Variants in CDKAL1 observed in about 807,000 individuals in gnomAD.
CDKAL1 encodes threonylcarbamoyladenosine tRNA methylthiotransferase.
In CDKAL1, 32 loss-of-function variants were observed where a neutral mutation model predicts 68.2. That is an observed-to-expected ratio of 0.47 (90% confidence interval 0.35 to 0.63). The LOEUF (loss-of-function observed/expected upper bound fraction) is 0.63. CDKAL1 is among the 30% of genes least tolerant of loss of function. The probability of loss-of-function intolerance (pLI) is 0.00; values close to 1 mark genes in which losing one functional copy is unlikely to be tolerated. For synonymous variants in CDKAL1, 234 were observed against 244.3 expected (o/e 0.96, Z 0.39); for missense variants, 606 against 696.7 (o/e 0.87, Z 1.47).
intron 4 of CDKAL1, among the ~76,000 whole-genome samples, chr6:20,580,163 G>T (rs6928198): frequency 0.8 from 121,539 of 152,148 alleles, 48,824 homozygotes; most frequent in Middle Eastern, 0.9. Flanking sequence ...ATGAGGTCCT[G>T]GTACTCAGAT....
intron 8 of CDKAL1, among the ~76,000 whole-genome samples, chr6:20,808,113 T>C (rs1447579178): frequency 1.3e-5 from 2 of 152,230 alleles, no homozygotes; most frequent in Admixed American, 6.5e-5. Flanking sequence ...ATGAAATAAG[T>C]AAAATCTCTT....
At chr6:20,568,427 A>G (rs1764549300) in intron 4 of CDKAL1, among the ~76,000 whole-genome samples, 1 of 152,022 alleles carries the variant, frequency 6.6e-6, no homozygotes, top group African/African-American at 2.4e-5. Flanking sequence ...TTGTAAGGTA[A>G]ATAAAGTACT....
intron 4 of CDKAL1, among the ~76,000 whole-genome samples, chr6:20,644,558 T>TA (rs1024140317): frequency 1.3e-5 from 2 of 152,048 alleles, no homozygotes; most frequent in Admixed American, 6.5e-5. Context: ...CGGGTGCCTG[T>TA]AGTCCCAGCT....
chr6:20,874,105 G>C (rs1458762692), intron 9 of CDKAL1, among the ~76,000 whole-genome samples: 2 of 152,070 alleles, frequency 1.3e-5, no homozygotes. Flanking sequence ...GTAAATAATT[G>C]GGGTTAGAGG....
At chr6:20,902,335 AC>A (rs1561870828) in intron 9 of CDKAL1, among the ~76,000 whole-genome samples, 9 of 150,862 alleles carry the variant, frequency 6.0e-5, no homozygotes, top group Middle Eastern at 3.4e-3. Context: ...ACACACACAC[AC>A]ACACACACAC....
At position 20,955,402 on chromosome 6, in the gene CDKAL1, T is replaced by C. The variant is rs779131799; in HGVS notation, c.743-17T>C. The C allele has an allele frequency of 1.1e-5, 17 of 1,613,420 alleles. No individual in the cohort carries two copies. The highest frequency in any genetic ancestry group is 1.2e-5 in the Non-Finnish European group (14 of 1,179,664). ...AGCTCTGCCACAGATTTGTTAATTA[T>C]CTCTTTTGATTCACAGAGGGTGTTT... On this transcript the variant is annotated splice_polypyrimidine_tract_variant and intron_variant, in intron 9 of 15. Coordinates refer to ENST00000274695, the MANE Select transcript of CDKAL1 (RefSeq NM_017774.3).
At chr6:20,945,242 T>C (rs564377627) in intron 9 of CDKAL1, among the ~76,000 whole-genome samples, 3 of 152,320 alleles carry the variant, frequency 2.0e-5, no homozygotes, top group African/African-American at 7.2e-5. Context: ...GAAACTTTTT[T>C]GAGTGCCAAC....
At chr6:20,695,967 G>A (rs1487280218) in intron 5 of CDKAL1, among the ~76,000 whole-genome samples, 2 of 152,090 alleles carry the variant, frequency 1.3e-5, no homozygotes, top group African/African-American at 4.8e-5. Context: ...TGGTAACGAC[G>A]ATTCTACTTT....
At chr6:20,774,877 A>G (rs1399044450) in intron 7 of CDKAL1, among the ~76,000 whole-genome samples, 1 of 152,138 alleles carries the variant, frequency 6.6e-6, no homozygotes, top group Non-Finnish European at 1.5e-5. Flanking sequence ...ACTGCTGAAA[A>G]CCTCAGGGCT....
At chr6:20,810,445 C>CT (rs1259567599) in intron 8 of CDKAL1, among the ~76,000 whole-genome samples, 1 of 126,854 alleles carries the variant, frequency 7.9e-6, no homozygotes, top group Non-Finnish European at 1.6e-5. Context: ...CACACACACA[C>CT]GTGGTGTCAT....
intron 5 of CDKAL1, among the ~76,000 whole-genome samples, chr6:20,668,181 T>C (rs905401788): frequency 6.6e-6 from 1 of 152,182 alleles, no homozygotes. Flanking sequence ...TATAGATTCA[T>C]AGAATATTTG....
At chr6:20,578,674 T>C (rs186894356) in intron 4 of CDKAL1, among the ~76,000 whole-genome samples, 1 of 152,304 alleles carries the variant, frequency 6.6e-6, no homozygotes, top group Non-Finnish European at 1.5e-5. Flanking sequence ...TTTACACACA[T>C]TATCTTATTT....
chr6:20,693,869 C>T (rs1376553358), intron 5 of CDKAL1, among the ~76,000 whole-genome samples: 1 of 150,928 alleles, frequency 6.6e-6, no homozygotes, highest in Non-Finnish European at 1.5e-5. Context: ...GAGAACTTGC[C>T]AGCTACTTTT....
intron 13 of CDKAL1, among the ~76,000 whole-genome samples, chr6:21,159,577 C>A (rs1034754582): frequency 9.2e-5 from 14 of 152,336 alleles, no homozygotes; most frequent in African/African-American, 3.1e-4. Flanking sequence ...AGGGCAGAGG[C>A]CATGCCTGGC....
intron 5 of CDKAL1, among the ~76,000 whole-genome samples, chr6:20,689,858 AATG>A (rs1257815386): frequency 6.6e-6 from 1 of 152,216 alleles, no homozygotes; most frequent in Non-Finnish European, 1.5e-5. Flanking sequence ...TTCAGAATTG[AATG>A]ATAAGAAATT....
intron 2 of CDKAL1, among the ~76,000 whole-genome samples, chr6:20,542,595 A>G (rs1302189443): frequency 6.6e-6 from 1 of 152,014 alleles, no homozygotes; most frequent in East Asian, 1.9e-4. Context: ...TTTTTTCTTA[A>G]CTATTTTATT....
intron 12 of CDKAL1, among the ~76,000 whole-genome samples, chr6:21,088,527 T>C (rs1284164115): frequency 6.6e-6 from 1 of 152,234 alleles, no homozygotes; most frequent in Non-Finnish European, 1.5e-5. Flanking sequence ...TTATGGAGCA[T>C]AGCTAGTTCA....
chr6:21,092,396 C>G (rs1476555983), intron 12 of CDKAL1, among the ~76,000 whole-genome samples: 2 of 151,800 alleles, frequency 1.3e-5, no homozygotes, highest in African/African-American at 4.8e-5. Context: ...GGTATTTGTC[C>G]TAATGCTCTC....
chr6:21,151,389 C>T (rs1195135589), intron 13 of CDKAL1, among the ~76,000 whole-genome samples: 3 of 152,200 alleles, frequency 2.0e-5, no homozygotes, highest in East Asian at 1.9e-4. Flanking sequence ...GTCGTGCATT[C>T]GCACAAAGGG....
Sources: allele counts gnomAD v4.1 joint callset (sites outside exome capture counted in the v4.1 genomes callset), GRCh38; gene constraint gnomAD v4.1.1; transcripts MANE v1.5; gene names NCBI Gene and HGNC (gene_info 2026-07-23, HGNC 2026-07-21).